Variants in ADAMTS20 observed in about 807,000 individuals in gnomAD.
The protein encoded by ADAMTS20 is A disintegrin and metalloproteinase with thrombospondin motifs 20.
Under a neutral mutation model 260.1 loss-of-function variants are expected in ADAMTS20, and 225 were observed. The ratio of observed to expected loss-of-function variants is 0.87; its 90% CI spans 0.78 to 0.97. ADAMTS20 has a LOEUF of 0.97. Among genes scored for constraint, ADAMTS20 ranks in the 50% least tolerant of loss-of-function variants. The pLI is 0.00. For synonymous variants in ADAMTS20, 802 were observed against 769.5 expected, an observed-to-expected ratio of 1.04 and a Z score of -0.70; for missense variants, 2,400 against 2,337.7, an observed-to-expected ratio of 1.03 and a Z score of -0.55.
At chr12:43,467,884 G>C (rs1231341900) in intron 8 of ADAMTS20, among the ~76,000 whole-genome samples, 1 of 152,096 alleles carries the variant, frequency 6.6e-6, no homozygotes, top group East Asian at 1.9e-4. Flanking sequence ...ACTAACAGAG[G>C]CAACTCTAGA....
chr12:43,355,943 T>C (rs1413913117), intron 38 of ADAMTS20, among the ~76,000 whole-genome samples: 1 of 152,096 alleles, frequency 6.6e-6, no homozygotes, highest in Non-Finnish European at 1.5e-5. Context: ...CAATGTTATC[T>C]AGATAAAGAT....
intron 2 of ADAMTS20, among the ~76,000 whole-genome samples, chr12:43,548,471 A>G (rs1173162534): frequency 6.6e-6 from 1 of 152,226 alleles, no homozygotes; most frequent in Admixed American, 6.5e-5. Flanking sequence ...CTAAAGGCTG[A>G]TCTGAGACTA....
chr12:43,544,434 A>T (rs1367735039), intron 2 of ADAMTS20, among the ~76,000 whole-genome samples: 1 of 152,240 alleles, frequency 6.6e-6, no homozygotes, highest in African/African-American at 2.4e-5. Flanking sequence ...TAAAAGAAAT[A>T]TGACTATCAT....
chr12:43,395,866 G>A (rs767503382), intron 29 of ADAMTS20, among the ~76,000 whole-genome samples: 1 of 151,914 alleles, frequency 6.6e-6, no homozygotes, highest in Non-Finnish European at 1.5e-5. Flanking sequence ...GGGGAGGTGA[G>A]AATTCAGAAT....
At chr12:43,382,704 A>G (rs958330689) in intron 31 of ADAMTS20, among the ~76,000 whole-genome samples, 5 of 152,116 alleles carry the variant, frequency 3.3e-5, no homozygotes, top group African/African-American at 1.2e-4. Flanking sequence ...TAAAAATTGG[A>G]AAATTTTACC....
intron 28 of ADAMTS20, among the ~76,000 whole-genome samples, chr12:43,414,001 T>A (rs1941081582): frequency 6.6e-6 from 1 of 152,202 alleles, no homozygotes; most frequent in South Asian, 2.1e-4. Context: ...CTGATCTAAT[T>A]GTATTTTTAT....
chr12:43,515,424 C>A (rs1942987590), intron 3 of ADAMTS20, among the ~76,000 whole-genome samples: 1 of 152,088 alleles, frequency 6.6e-6, no homozygotes, highest in African/African-American at 2.4e-5. Flanking sequence ...AAGATGTAAG[C>A]TAAGTTTACA....
intron 38 of ADAMTS20, among the ~76,000 whole-genome samples, chr12:43,356,189 A>T (rs1939739040): frequency 6.6e-6 from 1 of 152,128 alleles, no homozygotes. Flanking sequence ...TTAGCTCCAA[A>T]CTTGAGATAG....
intron 23 of ADAMTS20, 134 bp downstream of exon 23, chr12:43,430,218 C>A (rs1399449240): frequency 1.3e-5 from 13 of 1,009,908 alleles, no homozygotes; most frequent in Admixed American, 3.6e-5. Flanking sequence ...ATTTTTTTGC[C>A]TCTCTCTCAC....
chr12:43,535,227 A>G (rs577794029), intron 2 of ADAMTS20, among the ~76,000 whole-genome samples: 7 of 152,158 alleles, frequency 4.6e-5, no homozygotes, highest in Non-Finnish European at 2.9e-5. Context: ...CTGAATTTCT[A>G]CTGCTGAAGA....
At chr12:43,461,688 AT>A (rs1453544749) in intron 11 of ADAMTS20, among the ~76,000 whole-genome samples, 2 of 151,938 alleles carry the variant, frequency 1.3e-5, no homozygotes, top group South Asian at 2.1e-4. Flanking sequence ...CTTCAAAAAG[AT>A]TTTTTTTCCT....
At chr12:43,421,283 A>ACACAC (rs1555176941) in intron 28 of ADAMTS20, among the ~76,000 whole-genome samples, 1,893 of 22,056 alleles carry the variant, frequency 0.086, 15 homozygotes, top group Admixed American at 0.1. Context: ...TTTCATTTAC[A>ACACAC]AAAAAAAAAA....
rs781420480 is a variant in ADAMTS20 at position 43,452,508 on chromosome 12, A to G, written c.1942+6T>C. ...TTACATCAAAGAACCAGCATAATTT[A>G]CTTACTGCCACTGTATCTTGGAAGC... is the stretch of plus-strand genomic sequence containing the variant. On this transcript the variant is annotated splice_donor_region_variant and intron_variant, in intron 13 of 38. Transcript: ENST00000389420. 1 of 1,609,452 alleles carries G rather than the reference A, an allele frequency of 6.2e-7. No individual in the cohort carries two copies. Among genetic ancestry groups the G allele is most frequent in the Non-Finnish European group, 8.5e-7 (1 of 1,177,006 alleles).
chr12:43,367,009 A>G (rs2137195447), intron 37 of ADAMTS20, among the ~76,000 whole-genome samples: 1 of 152,056 alleles, frequency 6.6e-6, no homozygotes, highest in South Asian at 2.1e-4. Flanking sequence ...AAATTCAAGA[A>G]CAACAAAAAT....
chr12:43,479,128 C>T (rs1467863481), intron 7 of ADAMTS20, among the ~76,000 whole-genome samples: 1 of 152,150 alleles, frequency 6.6e-6, no homozygotes, highest in East Asian at 1.9e-4. Context: ...CACACCAACT[C>T]TATTTTTTCT....
intron 28 of ADAMTS20, among the ~76,000 whole-genome samples, chr12:43,407,828 G>A (rs1940947750): frequency 1.3e-5 from 2 of 152,088 alleles, no homozygotes; most frequent in South Asian, 4.1e-4. Flanking sequence ...CAAGATGTGA[G>A]CACTATTTGT....
intron 29 of ADAMTS20, among the ~76,000 whole-genome samples, chr12:43,393,996 C>T (rs949480103): frequency 6.6e-6 from 1 of 152,004 alleles, no homozygotes; most frequent in East Asian, 1.9e-4. Context: ...TGTCCAGAAT[C>T]TGTCTGTCTT....
At chr12:43,443,679 A>G in intron 16 of ADAMTS20, 112 bp downstream of exon 16, 1 of 799,992 alleles carries the variant, frequency 1.3e-6, no homozygotes, top group South Asian at 1.7e-5. Context: ...ATGAAATGAA[A>G]TTGCATGCTT....
intron 28 of ADAMTS20, among the ~76,000 whole-genome samples, chr12:43,418,321 G>GT (rs199926540): frequency 0.015 from 2,288 of 152,164 alleles, 52 homozygotes; most frequent in African/African-American, 0.051. Flanking sequence ...CAGGGCATTT[G>GT]TTTTTTTGAG....
Sources: allele counts gnomAD v4.1 joint callset (sites outside exome capture counted in the v4.1 genomes callset), GRCh38; gene constraint gnomAD v4.1.1; transcripts MANE v1.5; gene names NCBI Gene and HGNC (gene_info 2026-07-23, HGNC 2026-07-21).